The following RPS6KA2 variants were observed in gnomAD, a reference collection of about 807,000 sequenced individuals.
The protein encoded by RPS6KA2 is ribosomal protein S6 kinase A2.
In RPS6KA2, 42 loss-of-function variants were observed where a neutral mutation model predicts 91.8. The ratio of observed to expected loss-of-function variants is 0.46; its 90% CI spans 0.36 to 0.59. The LOEUF (loss-of-function observed/expected upper bound fraction) is 0.59. RPS6KA2 is among the 20% of genes least tolerant of loss of function. The pLI is 0.00. For synonymous variants in RPS6KA2, 414 were observed against 393.6 expected (o/e 1.05, Z -0.61); for missense variants, 798 against 978.5 (o/e 0.82, Z 2.46).
intron 1 of RPS6KA2, among the ~76,000 whole-genome samples, chr6:166,590,768 A>G (rs757046110): frequency 1.3e-5 from 2 of 152,238 alleles, no homozygotes; most frequent in Non-Finnish European, 2.9e-5. Context: ...AATTAAAAAA[A>G]AAACCTCATT....
intron 2 of RPS6KA2, among the ~76,000 whole-genome samples, chr6:166,783,241 C>T (rs1028814557): frequency 1.3e-5 from 2 of 151,594 alleles, no homozygotes; most frequent in Admixed American, 6.6e-5. Flanking sequence ...GCAGGAGCCA[C>T]GTGATTAACA....
At chr6:166,476,353 G>C (rs539806217) in intron 10 of RPS6KA2, among the ~76,000 whole-genome samples, 1 of 152,286 alleles carries the variant, frequency 6.6e-6, no homozygotes, top group South Asian at 2.1e-4. Flanking sequence ...CCAGTTTGCA[G>C]TTCTTTGTCA....
At chr6:166,713,763 A>G (rs1789934773) in intron 2 of RPS6KA2, among the ~76,000 whole-genome samples, 1 of 152,236 alleles carries the variant, frequency 6.6e-6, no homozygotes, top group South Asian at 2.1e-4. Context: ...AGGGAAGCAG[A>G]GGAGGAAAGT....
At chr6:166,807,544 C>A (rs1184974011) in intron 2 of RPS6KA2, among the ~76,000 whole-genome samples, 2 of 152,092 alleles carry the variant, frequency 1.3e-5, no homozygotes, top group East Asian at 3.9e-4. Flanking sequence ...ACGGCTCCCA[C>A]TCAGACCCCA....
chr6:166,679,179 C>A (rs560466152), intron 2 of RPS6KA2, among the ~76,000 whole-genome samples: 2 of 151,976 alleles, frequency 1.3e-5, no homozygotes, highest in African/African-American at 4.8e-5. Flanking sequence ...TGTCACCGGG[C>A]GTGGTGGCTC....
chr6:166,724,615 T>C (rs1790282366), intron 2 of RPS6KA2, among the ~76,000 whole-genome samples: 1 of 152,264 alleles, frequency 6.6e-6, no homozygotes, highest in Non-Finnish European at 1.5e-5. Flanking sequence ...GGCCACGGCC[T>C]CAGCTTTGTC....
chr6:166,545,186 T>C (rs1478585383), intron 1 of RPS6KA2, among the ~76,000 whole-genome samples: 1 of 151,994 alleles, frequency 6.6e-6, no homozygotes, highest in Non-Finnish European at 1.5e-5. Flanking sequence ...ATTTTCAGAG[T>C]TTGAACTGCA....
Position 166,412,909 on chromosome 6 carries a change from T to C in RPS6KA2, c.2077-22A>G. On this transcript the variant is annotated intron_variant, in intron 20 of 20. Coordinates refer to ENST00000265678, the MANE Select transcript of RPS6KA2 (RefSeq NM_021135.6). This position sits in a 1 kb window ranked among gnomAD's most constrained non-coding sequence, Gnocchi z 4.3. ...CGCCCTGCAAAACAGAAGACAAGGG[T>C]GAGAGCCGCGGCGCCTCACTCCAGG... 1 of 1,540,018 alleles carries C rather than the reference T, an allele frequency of 6.5e-7. No individual in the cohort carries two copies. The highest frequency in any genetic ancestry group is 8.8e-7 in the Non-Finnish European group (1 of 1,140,218).
At position 166,827,288 on chromosome 6, in the gene RPS6KA2, T is replaced by A. The variant is rs528860307; in HGVS notation, c.123+30912A>T. Among the ~76,000 whole-genome samples, 392 of 92,952 alleles carry A rather than the reference T, an allele frequency of 4.2e-3. 2 individuals carry two copies. Among genetic ancestry groups the A allele is most frequent in the African/African-American group, 0.014 (332 of 23,828 alleles). 61.0% of individuals were successfully genotyped at this position (92,952 alleles called of 152,430 possible). On this transcript the variant is annotated intron_variant, in intron 2 of 21. Coordinates refer to the RPS6KA2 transcript ENST00000503859. ...AAAAAAAAAAAAAAAAAAAAAAAAATGCTTCTGGAAGGACACCTGCCCCGA... is the reference window on the plus strand; with the variant it reads ...AAAAAAAAAAAAAAAAAAAAAAAAAAGCTTCTGGAAGGACACCTGCCCCGA...
chr6:166,723,761 C>T (rs55859734), intron 2 of RPS6KA2, among the ~76,000 whole-genome samples: 11,840 of 144,804 alleles, frequency 0.082, 802 homozygotes, highest in African/African-American at 0.2. Flanking sequence ...AGTGCAATGG[C>T]GCGATCTTGG....
chr6:166,485,959 C>G (rs1781393742), intron 10 of RPS6KA2, among the ~76,000 whole-genome samples: 1 of 152,200 alleles, frequency 6.6e-6, no homozygotes, highest in Non-Finnish European at 1.5e-5. Flanking sequence ...GAGCGCTGAG[C>G]CCTTGCTGCG....
chr6:166,735,956 C>T (rs1790660607), intron 2 of RPS6KA2, among the ~76,000 whole-genome samples: 3 of 152,178 alleles, frequency 2.0e-5, no homozygotes, highest in African/African-American at 4.8e-5. Flanking sequence ...AAATATGATC[C>T]AACTGAATAA....
intron 2 of RPS6KA2, among the ~76,000 whole-genome samples, chr6:166,759,143 T>C (rs1583087458): frequency 6.6e-6 from 1 of 152,154 alleles, no homozygotes; most frequent in Non-Finnish European, 1.5e-5. Context: ...ATACTTCAGG[T>C]AAATAACAAC....
chr6:166,818,018 C>T (rs1240968944), intron 2 of RPS6KA2, among the ~76,000 whole-genome samples: 6 of 152,172 alleles, frequency 3.9e-5, no homozygotes, highest in Non-Finnish European at 5.9e-5. Context: ...CCACTGCGCC[C>T]GGCCCGGCCA....
At chr6:166,723,699 C>CTTTTTTTTTTTTTTTTTTTT (rs10637819) in intron 2 of RPS6KA2, among the ~76,000 whole-genome samples, 2 of 146,226 alleles carry the variant, frequency 1.4e-5, no homozygotes, top group African/African-American at 5.4e-5. Flanking sequence ...TTTTTCTTTT[C>CTTTTTTTTTTTTTTTTTTTT]TTTTCTTTTT....
At chr6:166,513,959 C>CG (rs1329164027) in intron 3 of RPS6KA2, among the ~76,000 whole-genome samples, 1 of 152,108 alleles carries the variant, frequency 6.6e-6, no homozygotes, top group East Asian at 1.9e-4. Flanking sequence ...GTCTTGCACC[C>CG]GCTCCTGTTT....
intron 2 of RPS6KA2, among the ~76,000 whole-genome samples, chr6:166,697,129 A>AGAT (rs2128573741): frequency 6.6e-6 from 1 of 152,270 alleles, no homozygotes; most frequent in South Asian, 2.1e-4. Context: ...ATATAGATAT[A>AGAT]GATACATATC....
intron 2 of RPS6KA2, among the ~76,000 whole-genome samples, chr6:166,734,510 G>A (rs553204756): frequency 1.3e-5 from 2 of 152,218 alleles, no homozygotes; most frequent in South Asian, 2.1e-4. Context: ...CACAAGCAGC[G>A]GCTGATATTG....
At position 166,665,726 on chromosome 6, in the gene RPS6KA2, G is replaced by A. The variant is rs956127554; in HGVS notation, c.124-126942C>T. 1.3e-5 allele frequency among the ~76,000 whole-genome samples: 2 copies of A among 152,198 alleles called. No homozygotes were observed. The highest frequency in any genetic ancestry group is 4.8e-5 in the African/African-American group (2 of 41,448). ...TGACCAAGCTTAGGTCCCATGAAAT[G>A]AGCCCCACTTGCAGAGCTTGTTCTG... On this transcript the variant is annotated intron_variant, in intron 2 of 21. Transcript: ENST00000503859. The surrounding 1 kb of genome is among the most constrained non-coding windows in gnomAD (Gnocchi z 4.5).
Sources: gnomAD v4.1 joint callset for allele counts (sites outside exome capture counted in the v4.1 genomes callset) on GRCh38, gnomAD v4.1.1 for gene constraint, Gnocchi (gnomAD v3.1) non-coding constraint, MANE v1.5 for transcripts, NCBI Gene and HGNC (gene_info 2026-07-23, HGNC 2026-07-21) for gene names.